Variants in RBFOX1 observed in about 807,000 individuals in gnomAD.
RBFOX1 encodes RNA binding protein fox-1 homolog 1.
A neutral mutation model predicts 57.7 loss-of-function variants in RBFOX1; 8 were observed. That is an observed-to-expected ratio of 0.14 (90% CI 0.08 to 0.25). RBFOX1 has a LOEUF of 0.25. Among genes scored for constraint, RBFOX1 ranks in the 10% least tolerant of loss-of-function variants. RBFOX1 has a pLI of 1.00. For missense variants in RBFOX1, 611 were observed against 548.5 expected, an observed-to-expected ratio of 1.11 and a Z score of -1.14; for synonymous variants, 326 against 222.4, an observed-to-expected ratio of 1.47 and a Z score of -4.15.
intron 1 of RBFOX1, among the ~76,000 whole-genome samples, chr16:5,384,631 G>T (rs1014221169): frequency 2.6e-5 from 4 of 152,194 alleles, no homozygotes; most frequent in African/African-American, 9.7e-5. Flanking sequence ...TTGAGCAGAA[G>T]AAGTAGTTGA....
intron 5 of RBFOX1, among the ~76,000 whole-genome samples, chr16:7,544,267 G>T (rs572098117): frequency 6.6e-6 from 1 of 152,326 alleles, no homozygotes; most frequent in South Asian, 2.1e-4. Context: ...GAACGTTGGA[G>T]TCAGGTCATT....
chr16:5,463,171 G>T (rs950146726), intron 1 of RBFOX1, among the ~76,000 whole-genome samples: 1 of 152,194 alleles, frequency 6.6e-6, no homozygotes, highest in Admixed American at 6.5e-5. Flanking sequence ...AGTTTGGAGA[G>T]TAGTAGGGAG....
intron 3 of RBFOX1, among the ~76,000 whole-genome samples, chr16:6,721,486 C>G (rs1363743295): frequency 2.0e-5 from 3 of 152,138 alleles, no homozygotes; most frequent in Non-Finnish European, 4.4e-5. Flanking sequence ...TTTAAGTGTA[C>G]AGTTCTGTAA....
intron 3 of RBFOX1, among the ~76,000 whole-genome samples, chr16:5,616,528 T>A (rs990210473): frequency 6.6e-6 from 1 of 151,796 alleles, no homozygotes; most frequent in African/African-American, 2.4e-5. Context: ...GATGCCGCTG[T>A]CTGCCCTCTT....
At chr16:6,829,295 T>G (rs768504957) in intron 3 of RBFOX1, among the ~76,000 whole-genome samples, 8 of 151,802 alleles carry the variant, frequency 5.3e-5, no homozygotes, top group African/African-American at 9.7e-5. Context: ...AGTTCTACTT[T>G]TAGGAATTTA....
intron 2 of RBFOX1, among the ~76,000 whole-genome samples, chr16:6,530,959 A>T (rs1436149482): frequency 6.6e-6 from 1 of 152,174 alleles, no homozygotes; most frequent in East Asian, 1.9e-4. Context: ...GCTCCAGAAA[A>T]ACCCCAATCA....
chr16:5,251,647 C>T (rs1393097018), intron 1 of RBFOX1, among the ~76,000 whole-genome samples: 1 of 152,056 alleles, frequency 6.6e-6, no homozygotes, highest in East Asian at 1.9e-4. Flanking sequence ...ATGATAGATA[C>T]CAGAACAGTG....
chr16:6,523,835 A>C (rs2096541789), intron 2 of RBFOX1, among the ~76,000 whole-genome samples: 1 of 152,172 alleles, frequency 6.6e-6, no homozygotes. Flanking sequence ...TCTTTGAAAA[A>C]AATGTGCCTT....
chr16:7,655,400 C>T (rs147160842), intron 12 of RBFOX1, among the ~76,000 whole-genome samples: 166 of 152,270 alleles, frequency 1.1e-3, no homozygotes, highest in African/African-American at 3.8e-3. Context: ...ACTGAAAAGA[C>T]GGTGGATAGT....
At chr16:7,543,667 CTGTG>C (rs71150310) in intron 5 of RBFOX1, among the ~76,000 whole-genome samples, 2,017 of 141,432 alleles carry the variant, frequency 0.014, 33 homozygotes, top group East Asian at 0.11. Flanking sequence ...TGGGCAGTAT[CTGTG>C]TGTGTGTGTG....
At position 5,365,122 on chromosome 16, in the gene RBFOX1, C is replaced by T. The variant is rs556564378; in HGVS notation, c.220-102094C>T. Among the ~76,000 whole-genome samples the T allele has an allele frequency of 1.4e-4, 21 of 152,166 alleles. No individual in the cohort carries two copies. The South Asian group carries it at 4.4e-3, about 32-fold the overall frequency. ...ACTTACTGCTGTGGGCAGCTGGCAC[C>T]CAGGCCTGCTGGTGGACTCCGGAGG... On this transcript the variant is annotated intron_variant, in intron 1 of 2. Transcript: ENST00000585867.
chr16:6,970,201 C>G (rs941753695), intron 3 of RBFOX1, among the ~76,000 whole-genome samples: 2 of 151,586 alleles, frequency 1.3e-5, no homozygotes, highest in Non-Finnish European at 2.9e-5. Flanking sequence ...AAGAAAGAAA[C>G]AAAAAACCCC....
chr16:6,316,238 C>G (rs1463351496), intron 1 of RBFOX1, among the ~76,000 whole-genome samples: 2 of 152,076 alleles, frequency 1.3e-5, no homozygotes, highest in Non-Finnish European at 2.9e-5. Flanking sequence ...CTTGATTTTT[C>G]TGGTAGGAGA....
At chr16:5,649,893 A>G (rs1328164435) in intron 3 of RBFOX1, among the ~76,000 whole-genome samples, 2 of 152,074 alleles carry the variant, frequency 1.3e-5, no homozygotes, top group Non-Finnish European at 2.9e-5. Context: ...CAGATTATAG[A>G]GGGATGTGAA....
chr16:6,047,574 A>C (rs1049634637), intron 1 of RBFOX1, among the ~76,000 whole-genome samples: 2 of 152,182 alleles, frequency 1.3e-5, no homozygotes, highest in Non-Finnish European at 2.9e-5. Flanking sequence ...AATGGACAAC[A>C]ATACAGAGAA....
chr16:5,354,537 C>T (rs2065340279), intron 1 of RBFOX1, among the ~76,000 whole-genome samples: 1 of 152,126 alleles, frequency 6.6e-6, no homozygotes, highest in Admixed American at 6.5e-5. Context: ...CAATGTGGGG[C>T]CCAGCAGAGA....
intron 3 of RBFOX1, among the ~76,000 whole-genome samples, chr16:5,793,397 G>C (rs977919865): frequency 1.3e-5 from 2 of 152,236 alleles, no homozygotes; most frequent in Admixed American, 6.5e-5. Context: ...AATCTCCCTT[G>C]GTGAAGATTT....
intron 3 of RBFOX1, among the ~76,000 whole-genome samples, chr16:6,870,450 G>A (rs2060672075): frequency 1.3e-5 from 2 of 152,294 alleles, no homozygotes; most frequent in East Asian, 3.9e-4. Flanking sequence ...TAAGGTTTTA[G>A]TTGACACACG....
At chr16:7,154,473 G>C (rs59813777) in intron 4 of RBFOX1, among the ~76,000 whole-genome samples, 32,131 of 152,158 alleles carry the variant, frequency 0.21, 4,289 homozygotes, top group East Asian at 0.4. Flanking sequence ...CTGACAAGAG[G>C]TCATTTGCTT....
Sources: gnomAD v4.1 joint callset for allele counts (sites outside exome capture counted in the v4.1 genomes callset) on GRCh38, gnomAD v4.1.1 for gene constraint, MANE v1.5 for transcripts, NCBI Gene and HGNC (gene_info 2026-07-23, HGNC 2026-07-21) for gene names.